TMEM150B: variants seen among roughly 807,000 people sequenced by gnomAD.
The protein encoded by TMEM150B is modulator of macroautophagy TMEM150B.
Under a neutral mutation model 25.2 loss-of-function variants are expected in TMEM150B, and 33 were observed. That is an observed-to-expected ratio of 1.31 (90% CI 0.99 to 1.75). The LOEUF is 1.75. TMEM150B is among the 40% of genes most tolerant of loss of function. TMEM150B has a pLI of 0.00. For missense variants in TMEM150B, 322 were observed against 306.1 expected, an observed-to-expected ratio of 1.05 and a Z score of -0.39; for synonymous variants, 133 against 134.8, an observed-to-expected ratio of 0.99 and a Z score of 0.09.
downstream of TMEM150B, among the ~76,000 whole-genome samples, chr19:55,310,289 C>A (rs1429183194): frequency 5.3e-5 from 8 of 152,168 alleles, no homozygotes; most frequent in Non-Finnish European, 2.9e-5. The surrounding 1 kb of genome is among the most constrained non-coding windows in gnomAD (Gnocchi z 5.0). Context: ...CTTGTGTGTT[C>A]CAGTTCCTAG....
chr19:55,311,026 TCTCAGCTCACTGCAAC>T (rs1329608953), downstream of TMEM150B, among the ~76,000 whole-genome samples: 1 of 152,124 alleles, frequency 6.6e-6, no homozygotes, highest in South Asian at 2.1e-4. Context: ...AGTGGCGCGA[TCTCAGCTCACTGCAAC>T]TTCCACCTCC....
At chr19:55,320,497 T>G (rs2089170888) in intron 4 of TMEM150B, 39 bp from the exon 5 acceptor site, 3 of 1,610,330 alleles carry the variant, frequency 1.9e-6, no homozygotes, top group Non-Finnish European at 2.5e-6. Context: ...CAATCCAAGC[T>G]AGGGCCTCCA....
At chr19:55,318,965 G>A (rs1028406505) in intron 6 of TMEM150B, among the ~76,000 whole-genome samples, 1 of 151,952 alleles carries the variant, frequency 6.6e-6, no homozygotes, top group Non-Finnish European at 1.5e-5. Flanking sequence ...ACGCCACCAT[G>A]CCTGGCTAAT....
intron 4 of TMEM150B, 39 bp from the exon 5 acceptor site, chr19:55,320,497 T>C: frequency 1.2e-6 from 2 of 1,610,446 alleles, no homozygotes; most frequent in Non-Finnish European, 1.7e-6. Flanking sequence ...CAATCCAAGC[T>C]AGGGCCTCCA....
chr19:55,317,053 G>A, intron 6 of TMEM150B, 87 bp from the exon 7 acceptor site: 1 of 1,247,758 alleles, frequency 8.0e-7, no homozygotes, highest in Non-Finnish European at 1.1e-6. Context: ...CACCAATGCA[G>A]TAGACAGTGG....
downstream of TMEM150B, chr19:55,312,533 CAAAAAAA>C (rs372052269): frequency 0.023 from 584 of 25,662 alleles, 4 homozygotes; most frequent in Admixed American, 0.035. Flanking sequence ...CCGCCGGCGG[CAAAAAAA>C]AAAAAAAAAA....
chr19:55,320,649 C>CT lies in TMEM150B; in HGVS notation c.69-33dup, dbSNP rs751266400. Reference sequence around the variant, plus strand: ...AGGAAATCAGAGTGAGTGGGCGACTCTCACCAACAACTTTTCCTTCTGTTA... The same window carrying CT: ...AGGAAATCAGAGTGAGTGGGCGACTCTTCACCAACAACTTTTCCTTCTGTTA... On this transcript the variant is annotated intron_variant, in intron 3 of 7. Transcript: ENST00000326652. 10,987 of 1,613,202 alleles carry CT rather than the reference C, an allele frequency of 6.8e-3. 54 individuals are homozygous for CT. The highest frequency in any genetic ancestry group is 0.017 in the Admixed American group (1,032 of 59,982).
rs766405457 is a variant in TMEM150B, at chr19:55,320,141, G to A, written c.222C>T (p.Tyr74=). 6 of 1,614,182 alleles carry A rather than the reference G, an allele frequency of 3.7e-6. No individual in the cohort carries two copies. The South Asian group carries it at 5.5e-5, about 15-fold the overall frequency. The change falls in exon 6 of 8, where the codon TAC becomes TAT. Residue 74 remains tyrosine, a synonymous_variant. Coordinates refer to ENST00000326652, the MANE Select transcript of TMEM150B (RefSeq NM_001282011.2). ...TGACGCCCCAGTCCCGGAGCTGGTG[G>A]TAACGGACAATGCAGATCCACGCGG... ...ALAAWICIVR[Y]HQLRDWGVRR...
Position 55,313,003 on chromosome 19 carries a change from C to T in TMEM150B, c.558G>A (p.Trp186Ter). The T allele has an allele frequency of 6.2e-7, 1 of 1,613,626 alleles. No homozygotes were observed. The change falls in exon 8 of 8, where the codon TGG becomes TGA. Residue 186 changes from tryptophan to a stop codon, truncating the protein, a stop_gained. Transcript: ENST00000326652. LOFTEE classifies it low-confidence loss of function (END_TRUNC). ...GCGCGAACAGCAGCATGGCCACGAC[C>T]CACTCGCAGGCCGCAGAGACGCTAC... ...SLRSVSAACE[W>*]VVAMLLFALF... is the part of the protein sequence containing the mutation.
intron 6 of TMEM150B, among the ~76,000 whole-genome samples, chr19:55,318,234 G>A (rs752699902): frequency 4.1e-4 from 62 of 151,974 alleles, no homozygotes; most frequent in Non-Finnish European, 7.4e-4. Context: ...GGTGGTGAGC[G>A]CCTGTAATCC....
chr19:55,309,652 C>G (rs1186761948), downstream of TMEM150B, among the ~76,000 whole-genome samples: 3 of 152,208 alleles, frequency 2.0e-5, no homozygotes, highest in Non-Finnish European at 2.9e-5. Flanking sequence ...GCCCCACCCT[C>G]ATGACCTCAT....
At chr19:55,321,754 G>A (rs2089212268) in intron 2 of TMEM150B, among the ~76,000 whole-genome samples, 1 of 152,122 alleles carries the variant, frequency 6.6e-6, no homozygotes, top group Non-Finnish European at 1.5e-5. Flanking sequence ...CTAGAATACA[G>A]ATATTCTTCT....
intron 6 of TMEM150B, among the ~76,000 whole-genome samples, chr19:55,318,287 G>T (rs959297891): frequency 6.6e-6 from 1 of 151,756 alleles, no homozygotes; most frequent in African/African-American, 2.4e-5. Flanking sequence ...ACTTGAGCCC[G>T]GGAGATGGAG....
intron 7 of TMEM150B, among the ~76,000 whole-genome samples, chr19:55,314,375 C>T (rs569917549): frequency 1.3e-5 from 2 of 150,140 alleles, no homozygotes; most frequent in South Asian, 4.1e-4. Flanking sequence ...AGCCTCTGAT[C>T]CCTAATTTTA....
chr19:55,310,954 C>G (rs778826296), downstream of TMEM150B, among the ~76,000 whole-genome samples: 1 of 151,930 alleles, frequency 6.6e-6, no homozygotes, highest in Non-Finnish European at 1.5e-5. The surrounding 1 kb of genome is among the most constrained non-coding windows in gnomAD (Gnocchi z 5.0). Flanking sequence ...ATGACAAGCC[C>G]CCCAGTTTTT....
At chr19:55,311,000 G>A (rs1313330395), downstream of TMEM150B, among the ~76,000 whole-genome samples, 3 of 152,030 alleles carry the variant, frequency 2.0e-5, no homozygotes, top group Admixed American at 6.6e-5. The surrounding 1 kb of genome is among the most constrained non-coding windows in gnomAD (Gnocchi z 5.0). Context: ...TCCCTCTGTC[G>A]CTCAGGCTGG....
At chr19:55,314,488 C>T (rs1013111528) in intron 7 of TMEM150B, among the ~76,000 whole-genome samples, 2 of 152,180 alleles carry the variant, frequency 1.3e-5, no homozygotes, top group Non-Finnish European at 2.9e-5. Flanking sequence ...TCCCAGCCCA[C>T]GAGCAGCTCC....
chr19:55,311,053 C>T (rs966485067), downstream of TMEM150B, among the ~76,000 whole-genome samples: 2 of 152,120 alleles, frequency 1.3e-5, no homozygotes, highest in African/African-American at 4.8e-5. Flanking sequence ...TTCCACCTCC[C>T]GGGTTTCAAA....
intron 1 of TMEM150B, among the ~76,000 whole-genome samples, chr19:55,324,069 A>G (rs188384143): frequency 1.3e-3 from 193 of 151,750 alleles, no homozygotes; most frequent in African/African-American, 4.5e-3. Context: ...CAGCCTCCCA[A>G]AGTGCTGGGA....
Sources: allele counts gnomAD v4.1 joint callset (sites outside exome capture counted in the v4.1 genomes callset), GRCh38; gene constraint gnomAD v4.1.1; non-coding constraint Gnocchi (gnomAD v3.1); transcripts MANE v1.5; gene names NCBI Gene and HGNC (gene_info 2026-07-23, HGNC 2026-07-21).